Variants in CUL5 observed in about 807,000 individuals in gnomAD.
The protein encoded by CUL5 is cullin 5, also known as cullin-5.
CUL5 carries 26 observed loss-of-function variants against 108.8 expected under a neutral mutation model. That is an observed-to-expected ratio of 0.24 (90% CI 0.18 to 0.33). The LOEUF is 0.33. Ranked by LOEUF, CUL5 falls within the 10% of genes least tolerant of loss-of-function variation. The probability of loss-of-function intolerance (pLI) is 1.00; values close to 1 mark genes in which losing one functional copy is unlikely to be tolerated. For synonymous variants in CUL5, 334 were observed against 298.0 expected, an observed-to-expected ratio of 1.12 and a Z score of -1.25; for missense variants, 524 against 909.2, an observed-to-expected ratio of 0.58 and a Z score of 5.45.
intron 1 of CUL5, among the ~76,000 whole-genome samples, chr11:108,015,595 G>T (rs554406967): frequency 3.9e-5 from 6 of 152,194 alleles, no homozygotes; most frequent in African/African-American, 1.4e-4. Flanking sequence ...GGTTGCATTC[G>T]ACACAGCCTA....
intron 1 of CUL5, among the ~76,000 whole-genome samples, chr11:108,023,958 T>C (rs1186669696): frequency 2.6e-5 from 4 of 152,194 alleles, no homozygotes; most frequent in Non-Finnish European, 5.9e-5. Context: ...TGAAAAGAAA[T>C]GTCTTTTACG....
Position 108,052,687 on chromosome 11 carries a change from A to G in CUL5, c.439A>G (p.Ile147Val), listed in dbSNP as rs1050098256. The stretch of plus-strand genomic sequence containing the variant: ...TATGCTTGATACATGGAATGAGTCA[A>G]TCTTTTCAAACATAAAAAACAGACT... The part of the protein sequence containing the change: ...KLMLDTWNES[I>V]FSNIKNRLQD... Residue 147 changes from isoleucine (I) to valine (V), a missense_variant, in exon 5 of 19, where the codon ATC (isoleucine) becomes GTC (valine). By Grantham distance (29) the Ile-to-Val change is conservative. Around this residue, in one of 8 missense-constraint regions of CUL5, gnomAD observed 170 missense variants for 305.1 expected, o/e 0.56. Transcript: ENST00000393094. 1 of 1,611,920 alleles carries G rather than the reference A, an allele frequency of 6.2e-7. No homozygotes were observed. Among genetic ancestry groups the G allele is most frequent in the Non-Finnish European group, 8.5e-7 (1 of 1,178,838 alleles).
chr11:108,059,446 T>C (rs753117966), intron 7 of CUL5, among the ~76,000 whole-genome samples: 66 of 152,126 alleles, frequency 4.3e-4, no homozygotes, highest in Non-Finnish European at 7.9e-4. Context: ...AGGGCACCGA[T>C]AGGGAGGGAG....
At chr11:108,081,745 C>T (rs1591322871) in intron 11 of CUL5, among the ~76,000 whole-genome samples, 2 of 152,270 alleles carry the variant, frequency 1.3e-5, no homozygotes, top group South Asian at 4.1e-4. Flanking sequence ...GTGCGAGTCT[C>T]CGTCTCAAGA....
At position 108,052,734 on chromosome 11, in the gene CUL5, G is replaced by A. The variant is rs749228387; in HGVS notation, c.486G>A (p.Leu162=). The A allele has an allele frequency of 5.0e-6, 8 of 1,613,556 alleles. No homozygotes were observed. The highest frequency in any genetic ancestry group is 6.8e-6 in the Non-Finnish European group (8 of 1,179,566). ...KNRLQDSAMK[L]VHAERLGEAF... ...GACTCCAAGATAGTGCAATGAAGCTGGTACATGCTGAGAGATTGGGAGAAG... is the reference window on the plus strand; with the variant it reads ...GACTCCAAGATAGTGCAATGAAGCTAGTACATGCTGAGAGATTGGGAGAAG... The change falls in exon 5 of 19, where the codon CTG becomes CTA. Residue 162 remains leucine (L), a synonymous_variant. Transcript: ENST00000393094.
intron 12 of CUL5, among the ~76,000 whole-genome samples, chr11:108,089,011 G>A (rs111485489): frequency 1.6e-4 from 24 of 152,020 alleles, no homozygotes; most frequent in Non-Finnish European, 2.9e-4. Flanking sequence ...AAGATAGATA[G>A]CAAGGGATGA....
chr11:108,015,969 T>C (rs1862177021), intron 1 of CUL5, among the ~76,000 whole-genome samples: 1 of 152,144 alleles, frequency 6.6e-6, no homozygotes, highest in Non-Finnish European at 1.5e-5. Context: ...TCACACAAGC[T>C]GCAGTGCAGT....
intron 9 of CUL5, among the ~76,000 whole-genome samples, chr11:108,072,968 C>T (rs113615078): frequency 0.011 from 1,697 of 151,926 alleles, 29 homozygotes; most frequent in African/African-American, 0.038. Flanking sequence ...TTTGGGAGGC[C>T]GAGGTGGGCA....
intron 4 of CUL5, among the ~76,000 whole-genome samples, chr11:108,050,392 A>T (rs1863184191): frequency 6.8e-6 from 1 of 146,234 alleles, no homozygotes; most frequent in Non-Finnish European, 1.5e-5. Flanking sequence ...TTTAAACTGG[A>T]GTGTCACTCT....
At chr11:108,099,544 T>G (rs1864592572) in intron 18 of CUL5, among the ~76,000 whole-genome samples, 1 of 151,826 alleles carries the variant, frequency 6.6e-6, no homozygotes, top group African/African-American at 2.4e-5. Flanking sequence ...AGAAGGAGAG[T>G]TGAATAAATA....
In CUL5 at chr11:108,073,385, T is replaced by G; in HGVS notation, c.1006-5T>G. The G allele has an allele frequency of 7.2e-7, 1 of 1,396,902 alleles. No homozygotes were observed. Among genetic ancestry groups the G allele is most frequent in the Non-Finnish European group, 1.0e-6 (1 of 1,003,456 alleles). 86.5% of individuals were successfully genotyped at this position (1,396,902 alleles called of 1,614,324 possible). A position where few individuals can be genotyped will look rare whatever the true frequency, so the allele number is the denominator to read the frequency against. On this transcript the variant is annotated splice_polypyrimidine_tract_variant and splice_region_variant and intron_variant, in intron 9 of 18. Transcript: ENST00000393094. ...AAAACTTAATGTAAAACCTTTTGTT[T>G]CTAGGACTCTGAGAAATACGTTGAG...
intron 1 of CUL5, among the ~76,000 whole-genome samples, chr11:108,019,408 TACG>T (rs1862277157): frequency 6.6e-6 from 1 of 152,154 alleles, no homozygotes; most frequent in Non-Finnish European, 1.5e-5. Context: ...TTATCTAAAA[TACG>T]ACAACTGAGT....
chr11:108,062,385 A>G (rs1863559321), intron 7 of CUL5, among the ~76,000 whole-genome samples: 1 of 152,062 alleles, frequency 6.6e-6, no homozygotes, highest in Non-Finnish European at 1.5e-5. Flanking sequence ...TCCCATCAAC[A>G]GTGTGCTTGT....
At chr11:108,040,294 C>T (rs1297925532) in intron 2 of CUL5, among the ~76,000 whole-genome samples, 1 of 152,004 alleles carries the variant, frequency 6.6e-6, no homozygotes, top group Non-Finnish European at 1.5e-5. Flanking sequence ...GCCTGGGAAA[C>T]ACAGTGAGAT....
chr11:108,048,648 CTT>C (rs200991204), intron 3 of CUL5, among the ~76,000 whole-genome samples: 31 of 116,842 alleles, frequency 2.7e-4, no homozygotes, highest in African/African-American at 1.1e-3. Flanking sequence ...ACTCCACCAC[CTT>C]TTTTTTTTTT....
chr11:108,090,456 A>C (rs1023017937), intron 13 of CUL5, among the ~76,000 whole-genome samples: 1 of 152,124 alleles, frequency 6.6e-6, no homozygotes, highest in Admixed American at 6.5e-5. Flanking sequence ...GAGCCACTGA[A>C]CTCCAGCCTG....
intron 1 of CUL5, among the ~76,000 whole-genome samples, chr11:108,022,841 C>A (rs1862358929): frequency 6.6e-6 from 1 of 151,704 alleles, no homozygotes; most frequent in African/African-American, 2.4e-5. Flanking sequence ...GACAGCAAGA[C>A]CCCATCTCTA....
At chr11:108,044,243 C>A (rs1362520576) in intron 2 of CUL5, among the ~76,000 whole-genome samples, 1 of 152,074 alleles carries the variant, frequency 6.6e-6, no homozygotes, top group African/African-American at 2.4e-5. Flanking sequence ...TAGGCCAACC[C>A]CAGTGGCTCA....
At chr11:108,041,647 G>A (rs1401360904) in intron 2 of CUL5, among the ~76,000 whole-genome samples, 1 of 151,570 alleles carries the variant, frequency 6.6e-6, no homozygotes, top group Non-Finnish European at 1.5e-5. Flanking sequence ...CTGGAGTGCA[G>A]TAGCGTGATC....
Sources: allele counts gnomAD v4.1 joint callset (sites outside exome capture counted in the v4.1 genomes callset), GRCh38; gene constraint gnomAD v4.1.1; regional missense constraint gnomAD v4.1.1; transcripts MANE v1.5; gene names NCBI Gene and HGNC (gene_info 2026-07-23, HGNC 2026-07-21).